Variants in PCCA observed in about 807,000 individuals in gnomAD.
PCCA encodes propionyl-CoA carboxylase subunit alpha.
In PCCA, 74 loss-of-function variants were observed where a neutral mutation model predicts 101.3. The observed-to-expected ratio is 0.73, with a 90% CI of 0.61 to 0.89. PCCA has a LOEUF of 0.89. Among genes scored for constraint, PCCA ranks in the 40% least tolerant of loss-of-function variants. The pLI is 0.00. For missense variants in PCCA, 891 were observed against 907.0 expected, an observed-to-expected ratio of 0.98 and a Z score of 0.23; for synonymous variants, 294 against 313.6, an observed-to-expected ratio of 0.94 and a Z score of 0.66.
rs769372239 is a variant in PCCA at position 100,154,950 on chromosome 13, T to C, written c.301-29T>C. 2.1e-6 allele frequency: 3 copies of C among 1,436,776 alleles called. No homozygotes were observed. In the South Asian group the frequency reaches 3.4e-5, roughly 16 times the overall value. 89.0% of individuals were successfully genotyped at this position (1,436,776 alleles called of 1,614,324 possible). A position where few individuals can be genotyped will look rare whatever the true frequency, so the allele number is the denominator to read the frequency against. On this transcript the variant is annotated intron_variant, in intron 4 of 23. Coordinates refer to ENST00000376285, the MANE Select transcript of PCCA (RefSeq NM_000282.4). ...ATGGTAATTCTTTTTGCTGGGCGCA[T>C]CTGTTAATGCAGAAATTTGTCTCCT... is the stretch of plus-strand genomic sequence containing the variant.
At chr13:100,459,581 C>T (rs995540785) in intron 21 of PCCA, among the ~76,000 whole-genome samples, 3 of 152,156 alleles carry the variant, frequency 2.0e-5, no homozygotes, top group Non-Finnish European at 4.4e-5. Flanking sequence ...AAATAACTAT[C>T]CTATGGTAAT....
intron 19 of PCCA, among the ~76,000 whole-genome samples, chr13:100,409,218 C>A (rs189134186): frequency 1.6e-3 from 246 of 152,238 alleles, no homozygotes; most frequent in Admixed American, 3.6e-3. Context: ...GTTTCCTCCA[C>A]CCTCAGAAAT....
chr13:100,408,336 C>G (rs532297814), intron 19 of PCCA, among the ~76,000 whole-genome samples: 2 of 152,288 alleles, frequency 1.3e-5, no homozygotes, highest in South Asian at 4.1e-4. Flanking sequence ...ACTTAGCAAA[C>G]TTTGTATCTG....
chr13:100,220,353 G>T (rs532312240), intron 7 of PCCA, among the ~76,000 whole-genome samples: 1 of 151,802 alleles, frequency 6.6e-6, no homozygotes, highest in South Asian at 2.1e-4. Flanking sequence ...TCCACCTCCC[G>T]GGTTGAAGCA....
chr13:100,154,631 G>A, intron 4 of PCCA: 1 of 331,810 alleles, frequency 3.0e-6, no homozygotes, highest in Non-Finnish European at 5.8e-6. Flanking sequence ...TTAAAATATT[G>A]GGCTACCCTG....
chr13:100,403,846 A>G (rs932610254), intron 19 of PCCA, among the ~76,000 whole-genome samples: 1 of 152,020 alleles, frequency 6.6e-6, no homozygotes, highest in Non-Finnish European at 1.5e-5. Flanking sequence ...CCTGCTGCAA[A>G]CACTGCGAAC....
chr13:100,262,654 CTCT>C (rs933494163), intron 9 of PCCA, 72 bp from the exon 10 acceptor site: 9 of 757,130 alleles, frequency 1.2e-5, no homozygotes, highest in Admixed American at 3.7e-5. Context: ...GTTAGTCTGA[CTCT>C]TCTTCTCCTT....
At chr13:100,402,717 G>T (rs2077441964) in intron 19 of PCCA, among the ~76,000 whole-genome samples, 1 of 152,148 alleles carries the variant, frequency 6.6e-6, no homozygotes, top group Non-Finnish European at 1.5e-5. Flanking sequence ...GCAAGGGGTG[G>T]TATGGGTGGG....
rs141606608 is a variant in PCCA, at chr13:100,290,554, C to T, written c.1066-10906C>T. Among the ~76,000 whole-genome samples the T allele has an allele frequency of 3.2e-3, 487 of 152,142 alleles. 6 individuals carry two copies. The highest frequency in any genetic ancestry group is 0.011 in the African/African-American group (471 of 41,502). ...ATTGGAATTCAGGGACTTTTTTTTC[C>T]AACCAGGATATGCCTTGGTTTGTGT... On this transcript the variant is annotated intron_variant, in intron 12 of 23. Transcript: ENST00000376285.
intron 21 of PCCA, among the ~76,000 whole-genome samples, chr13:100,466,774 C>T (rs1241623678): frequency 6.6e-6 from 1 of 152,184 alleles, no homozygotes; most frequent in Non-Finnish European, 1.5e-5. Context: ...AGGAGAATTG[C>T]ATGAACCCAG....
At chr13:100,445,524 C>T (rs774797228) in intron 20 of PCCA, among the ~76,000 whole-genome samples, 5 of 152,086 alleles carry the variant, frequency 3.3e-5, no homozygotes, top group East Asian at 1.9e-4. Context: ...ATAGCTTTCT[C>T]GTACCTATTT....
intron 18 of PCCA, among the ~76,000 whole-genome samples, chr13:100,348,787 T>TTCCTTCCTTC (rs2072771494): frequency 3.9e-3 from 180 of 46,594 alleles, no homozygotes; most frequent in Middle Eastern, 0.012. Context: ...TTTCTTTCTT[T>TTCCTTCCTTC]CTTCCTTCCT....
chr13:100,157,246 A>C (rs1486761781), intron 5 of PCCA, 41 bp from the exon 6 acceptor site: 2 of 1,415,852 alleles, frequency 1.4e-6, no homozygotes, highest in Admixed American at 1.7e-5. Context: ...AGCTTTTGCA[A>C]TATGATAAAA....
chr13:100,311,789 G>T (rs985930988), intron 16 of PCCA, among the ~76,000 whole-genome samples: 17 of 151,950 alleles, frequency 1.1e-4, no homozygotes, highest in Admixed American at 8.5e-4. Flanking sequence ...AAAAATAAAA[G>T]CCATGTGTTA....
intron 7 of PCCA, among the ~76,000 whole-genome samples, chr13:100,214,725 C>T (rs2059419036): frequency 6.6e-6 from 1 of 152,074 alleles, no homozygotes; most frequent in Non-Finnish European, 1.5e-5. Flanking sequence ...TGAACCTGGC[C>T]TATAGTTTTC....
intron 20 of PCCA, among the ~76,000 whole-genome samples, chr13:100,429,547 A>G (rs192784742): frequency 6.6e-6 from 1 of 152,042 alleles, no homozygotes; most frequent in African/African-American, 2.4e-5. Context: ...AAATATTACT[A>G]TTTATCATTA....
intron 22 of PCCA, among the ~76,000 whole-genome samples, chr13:100,526,312 A>AGGGCAGCGC (rs1254323105): frequency 2.6e-5 from 4 of 152,312 alleles, no homozygotes; most frequent in East Asian, 3.9e-4. Flanking sequence ...TGAATCAAAA[A>AGGGCAGCGC]GGGCAGCGCG....
chr13:100,493,376 T>C (rs1350067707), intron 21 of PCCA, among the ~76,000 whole-genome samples: 1 of 152,176 alleles, frequency 6.6e-6, no homozygotes, highest in East Asian at 1.9e-4. Flanking sequence ...ACCAAGCTGA[T>C]GCCTGATCAG....
Position 100,098,743 on chromosome 13 carries a change from T to C in PCCA, c.106-4140T>C, listed in dbSNP as rs184391124. ...ATAGTTTCCTGGTGCTTGAGCTTAG[T>C]ACAGAGGCAGAGCCCAGAGAATCTT... On this transcript the variant is annotated intron_variant, in intron 1 of 23. Coordinates refer to ENST00000376285, the MANE Select transcript of PCCA (RefSeq NM_000282.4). Among the ~76,000 whole-genome samples, 25 of 152,270 alleles carry C rather than the reference T, an allele frequency of 1.6e-4. No individual in the cohort carries two copies. The East Asian group carries it at 3.5e-3, about 21-fold the overall frequency.
Sources: allele counts gnomAD v4.1 joint callset (sites outside exome capture counted in the v4.1 genomes callset), GRCh38; gene constraint gnomAD v4.1.1; transcripts MANE v1.5; gene names NCBI Gene and HGNC (gene_info 2026-07-23, HGNC 2026-07-21).